Variants in ELP4 observed in about 807,000 individuals in gnomAD.
ELP4 encodes elongator complex protein 4.
Under a neutral mutation model 48.9 loss-of-function variants are expected in ELP4, and 51 were observed. The ratio of observed to expected loss-of-function variants is 1.04; its 90% CI spans 0.83 to 1.32. The LOEUF (loss-of-function observed/expected upper bound fraction) is 1.32. ELP4 is among the 40% of genes most tolerant of loss of function. ELP4 has a pLI of 0.00. For missense variants in ELP4, 519 were observed against 514.6 expected (o/e 1.01, Z -0.08); for synonymous variants, 210 against 189.2 (o/e 1.11, Z -0.90).
chr11:31,683,188 A>C (rs1034820077), intron 9 of ELP4, among the ~76,000 whole-genome samples: 3 of 152,154 alleles, frequency 2.0e-5, no homozygotes, highest in Non-Finnish European at 4.4e-5. Context: ...CTTATTTTAC[A>C]CACAAATGTG....
Position 31,790,112 on chromosome 11 carries a change from A to AC in ELP4, c.*6588_*6589insC, listed in dbSNP as rs1431148824. On this transcript the variant is annotated 3_prime_UTR_variant, in exon 10 of 10. Transcript: ENST00000640961. ...TATAGGTTTACAAAAAAAAAAAAAA[A>AC]AAAAAAAACTAATACTTTCTAACAT... is the stretch of plus-strand genomic sequence containing the variant. The AC allele has an allele frequency of 4.3e-5, 34 of 798,252 alleles. No individual in the cohort carries two copies. In the African/African-American group the frequency reaches 5.9e-4, roughly 14 times the overall value. The allele number at this position is 798,252 out of a possible 1,614,324, so 49.4% of individuals were successfully genotyped here.
chr11:31,532,272 G>T (rs973857505), intron 2 of ELP4, among the ~76,000 whole-genome samples: 8 of 152,164 alleles, frequency 5.3e-5, no homozygotes, highest in African/African-American at 1.9e-4. Context: ...TTGAAGTAAA[G>T]ATAAGATAAC....
chr11:31,732,139 A>G (rs965131583), intron 9 of ELP4, among the ~76,000 whole-genome samples: 11 of 152,172 alleles, frequency 7.2e-5, no homozygotes, highest in South Asian at 2.1e-4. Context: ...AGGTAAATAT[A>G]TAGACAAATA....
rs150366647 is a variant in ELP4 at position 31,516,553 on chromosome 11, T to C, written c.224-3503T>C. On this transcript the variant is annotated intron_variant, in intron 1 of 9. Coordinates refer to ENST00000640961, the MANE Select transcript of ELP4 (RefSeq NM_019040.5). ...CATTGTTACCCTGGCTGGAGTGCAG[T>C]GGTGCGAACGCTGCTCACTGCAGCC... Among the ~76,000 whole-genome samples, 508 of 152,350 alleles carry C rather than the reference T, an allele frequency of 3.3e-3. 2 individuals are homozygous for C. Among genetic ancestry groups the C allele is most frequent in the Middle Eastern group, 0.031 (9 of 294 alleles).
intron 6 of ELP4, among the ~76,000 whole-genome samples, chr11:31,630,193 G>A (rs796931470): frequency 4.0e-4 from 60 of 149,076 alleles, no homozygotes; most frequent in African/African-American, 1.5e-3. Context: ...CTTAGAGTCA[G>A]GAAGTTTTTT....
intron 9 of ELP4, among the ~76,000 whole-genome samples, chr11:31,769,391 C>A (rs1239075584): frequency 1.3e-5 from 2 of 152,134 alleles, no homozygotes; most frequent in Non-Finnish European, 2.9e-5. Context: ...TATATGATTG[C>A]CACATTTCCA....
chr11:31,542,079 A>T (rs1371292197), intron 3 of ELP4, among the ~76,000 whole-genome samples: 1 of 152,212 alleles, frequency 6.6e-6, no homozygotes, highest in Non-Finnish European at 1.5e-5. Context: ...AAAACAAAAA[A>T]CAAACATAAA....
At chr11:31,714,117 G>A (rs988295754) in intron 9 of ELP4, among the ~76,000 whole-genome samples, 4 of 152,066 alleles carry the variant, frequency 2.6e-5, no homozygotes, top group African/African-American at 9.7e-5. Flanking sequence ...GTTTCATTTT[G>A]GATGTAAAAC....
intron 7 of ELP4, 55 bp from the exon 8 acceptor site, chr11:31,647,686 T>G: frequency 9.5e-7 from 1 of 1,050,066 alleles, no homozygotes; most frequent in Non-Finnish European, 1.5e-6. Context: ...ATTTTATAGA[T>G]ATTATACTAT....
intron 3 of ELP4, among the ~76,000 whole-genome samples, chr11:31,585,004 A>C (rs1957450555): frequency 6.6e-6 from 1 of 152,200 alleles, no homozygotes; most frequent in Non-Finnish European, 1.5e-5. Context: ...ATATTTAAGA[A>C]TTACTACATT....
chr11:31,687,747 C>T (rs1222491423), intron 9 of ELP4: 1 of 152,158 alleles, frequency 6.6e-6, no homozygotes. Flanking sequence ...GCTTTTTCCA[C>T]TTGTACCTTG....
chr11:31,650,049 C>A, intron 8 of ELP4, 66 bp from the exon 9 acceptor site: 1 of 677,842 alleles, frequency 1.5e-6, no homozygotes, highest in Non-Finnish European at 2.7e-6. Flanking sequence ...TGCTATAAGA[C>A]TGTTTAATTT....
At position 31,626,835 on chromosome 11, in the gene ELP4, G is replaced by A. The variant is rs1372813292; in HGVS notation, c.654-275G>A. 4.6e-5 allele frequency among the ~76,000 whole-genome samples: 7 copies of A among 151,894 alleles called. No homozygotes were observed. The East Asian group carries it at 1.4e-3, about 30-fold the overall frequency. The stretch of plus-strand genomic sequence containing the variant: ...CATTAAATCATTAATTTTCTTGGAG[G>A]TAACTAAGCCTGACATAATTAAGTT... On this transcript the variant is annotated intron_variant, in intron 5 of 9. Coordinates refer to ENST00000640961, the MANE Select transcript of ELP4 (RefSeq NM_019040.5).
Position 31,704,271 on chromosome 11 carries a change from A to G in ELP4, c.1143+54050A>G, listed in dbSNP as rs1316668012. On this transcript the variant is annotated intron_variant, in intron 9 of 9. Coordinates refer to ENST00000640961, the MANE Select transcript of ELP4 (RefSeq NM_019040.5). Reference sequence around the variant, plus strand: ...CATGGTTAATTCAAACAGAAGACACAAAACTCCTATCTTTATTTCTTAAAA... The same window carrying G: ...CATGGTTAATTCAAACAGAAGACACGAAACTCCTATCTTTATTTCTTAAAA... Among the ~76,000 whole-genome samples, 4 of 152,226 alleles carry G rather than the reference A, an allele frequency of 2.6e-5. No individual in the cohort carries two copies. In the East Asian group the frequency reaches 7.7e-4, roughly 29 times the overall value.
chr11:31,770,863 AG>A (rs1258595149), intron 9 of ELP4, among the ~76,000 whole-genome samples: 2 of 66,012 alleles, frequency 3.0e-5, no homozygotes, highest in Non-Finnish European at 5.9e-5. Flanking sequence ...GAAAGGAGGG[AG>A]GGGGGAGGGA....
At chr11:31,542,242 G>C (rs746438025) in intron 3 of ELP4, among the ~76,000 whole-genome samples, 1 of 152,172 alleles carries the variant, frequency 6.6e-6, no homozygotes, top group Non-Finnish European at 1.5e-5. Flanking sequence ...GCAAAGAAGA[G>C]AAATACAAGA....
intron 5 of ELP4, among the ~76,000 whole-genome samples, chr11:31,612,304 C>T (rs572791925): frequency 4.6e-5 from 7 of 152,144 alleles, no homozygotes; most frequent in African/African-American, 1.7e-4. Flanking sequence ...ATAGGCATAG[C>T]TATCCACTAG....
intron 9 of ELP4, chr11:31,651,736 C>G (rs570401116): frequency 6.6e-6 from 1 of 151,734 alleles, no homozygotes; most frequent in East Asian, 1.9e-4. Flanking sequence ...ACCTTTTCCC[C>G]AAAATCAGTA....
intron 3 of ELP4, among the ~76,000 whole-genome samples, chr11:31,551,316 C>T (rs751346704): frequency 6.6e-6 from 1 of 152,154 alleles, no homozygotes; most frequent in African/African-American, 2.4e-5. Context: ...TCATCTCGTC[C>T]TTCCTTGAAA....
Sources: allele counts gnomAD v4.1 joint callset (sites outside exome capture counted in the v4.1 genomes callset), GRCh38; gene constraint gnomAD v4.1.1; transcripts MANE v1.5; gene names NCBI Gene and HGNC (gene_info 2026-07-23, HGNC 2026-07-21).